AXDND1: variants seen among roughly 807,000 people sequenced by gnomAD.
AXDND1 encodes axonemal dynein light chain domain containing 1.
A neutral mutation model predicts 137.5 loss-of-function variants in AXDND1; 110 were observed. That is an observed-to-expected ratio of 0.80 (90% CI 0.69 to 0.94). AXDND1 has a LOEUF of 0.94. Among genes scored for constraint, AXDND1 ranks in the 40% least tolerant of loss-of-function variants. The pLI, the probability that AXDND1 is intolerant of heterozygous loss-of-function variation, is 0.00. For missense variants in AXDND1, 1,191 were observed against 1,169.8 expected, an observed-to-expected ratio of 1.02 and a Z score of -0.26; for synonymous variants, 414 against 399.7, an observed-to-expected ratio of 1.04 and a Z score of -0.43.
At chr1:179,537,008 TTGTC>T (rs960407784) in intron 25 of AXDND1, among the ~76,000 whole-genome samples, 1 of 152,166 alleles carries the variant, frequency 6.6e-6, no homozygotes, top group Admixed American at 6.5e-5. Flanking sequence ...ATTTGGCTGT[TTGTC>T]TGTTATTGGT....
At chr1:179,529,698 C>T (rs909678941) in intron 23 of AXDND1, among the ~76,000 whole-genome samples, 1 of 152,144 alleles carries the variant, frequency 6.6e-6, no homozygotes, top group Non-Finnish European at 1.5e-5. Flanking sequence ...GACTCTCAAT[C>T]TCTCCTGGGT....
At chr1:179,430,028 C>T (rs981242545) in intron 13 of AXDND1, among the ~76,000 whole-genome samples, 1 of 150,588 alleles carries the variant, frequency 6.6e-6, no homozygotes, top group Non-Finnish European at 1.5e-5. Context: ...TCATTTAACT[C>T]TTAAGACAAT....
intron 11 of AXDND1, 36 bp downstream of exon 11, chr1:179,395,238 GA>G: frequency 6.5e-7 from 1 of 1,528,644 alleles, no homozygotes; most frequent in South Asian, 1.2e-5. Flanking sequence ...TTACATAGGG[GA>G]AAAGGAAGAA....
Position 179,488,632 on chromosome 1 carries a change from C to T in AXDND1, c.2092-2906C>T, listed in dbSNP as rs1177073353. Among the ~76,000 whole-genome samples the T allele has an allele frequency of 3.5e-4, 22 of 63,162 alleles. 2 individuals are homozygous for T. The highest frequency in any genetic ancestry group is 1.3e-3 in the East Asian group (3 of 2,340). 41.4% of individuals were successfully genotyped at this position (63,162 alleles called of 152,430 possible). On this transcript the variant is annotated intron_variant, in intron 18 of 25. Transcript: ENST00000367618. ...TCTTTCTTTCTTTCTCTCTCTCTCT[C>T]TCCTTTCTTTCTTTCTTTCTTTCTT...
intron 25 of AXDND1, chr1:179,544,546 A>C (rs1467756085): frequency 6.6e-6 from 1 of 151,744 alleles, no homozygotes; most frequent in Non-Finnish European, 1.5e-5. Flanking sequence ...GGTGGTGCGC[A>C]CTTGTAGTCC....
intron 15 of AXDND1, among the ~76,000 whole-genome samples, chr1:179,434,633 C>T (rs1048027083): frequency 1.3e-5 from 2 of 152,036 alleles, no homozygotes; most frequent in African/African-American, 4.8e-5. Context: ...GCAGAAAAGG[C>T]CTTTCACAAA....
intron 15 of AXDND1, among the ~76,000 whole-genome samples, chr1:179,443,243 C>T (rs999876172): frequency 1.8e-4 from 28 of 152,142 alleles, no homozygotes; most frequent in Non-Finnish European, 3.5e-4. Context: ...GAGTTGGTCC[C>T]GTCCCACGGG....
intron 25 of AXDND1, 163 bp from the exon 26 acceptor site, chr1:179,554,349 T>G: frequency 8.8e-7 from 1 of 1,139,550 alleles, no homozygotes; most frequent in Non-Finnish European, 1.3e-6. Flanking sequence ...TTGTTTCTCT[T>G]TTTTATAAAT....
rs1213810862 is a variant in AXDND1 at position 179,378,660 on chromosome 1, T to C, written c.398T>C (p.Val133Ala). The C allele has an allele frequency of 6.3e-7, 1 of 1,590,840 alleles. No individual in the cohort carries two copies. The highest frequency in any genetic ancestry group is 8.6e-7 in the Non-Finnish European group (1 of 1,167,082). The change falls in exon 5 of 26, where the codon GTA becomes GCA. Residue 133 changes from valine to alanine, a missense_variant. By Grantham distance (64) the Val-to-Ala change is moderately conservative (BLOSUM62 0). Coordinates refer to ENST00000367618, the MANE Select transcript of AXDND1 (RefSeq NM_144696.6). Reference sequence around the variant, plus strand: ...AGGGATATTTCTTTTCTGTACGATGTAACATATGCCAAAGGACAGACTAGG... The same window carrying C: ...AGGGATATTTCTTTTCTGTACGATGCAACATATGCCAAAGGACAGACTAGG... Reference protein sequence around the residue: ...AGRDISFLYDVTYAKGQTREK... With the variant: ...AGRDISFLYDATYAKGQTREK...
At chr1:179,499,761 T>C (rs1250530134) in intron 20 of AXDND1, among the ~76,000 whole-genome samples, 4 of 152,142 alleles carry the variant, frequency 2.6e-5, no homozygotes, top group African/African-American at 9.7e-5. Context: ...ATTTCAGGAA[T>C]GAGTAACTCA....
chr1:179,515,334 T>C (rs1669435535), intron 21 of AXDND1, among the ~76,000 whole-genome samples: 1 of 152,150 alleles, frequency 6.6e-6, no homozygotes, highest in African/African-American at 2.4e-5. Context: ...TATATGATGC[T>C]TAGTTTCGCT....
intron 21 of AXDND1, among the ~76,000 whole-genome samples, chr1:179,520,661 G>C (rs12033139): frequency 1.3e-5 from 2 of 151,586 alleles, no homozygotes; most frequent in African/African-American, 4.8e-5. Context: ...TATTAACTTA[G>C]AGTAGACATG....
At chr1:179,439,422 A>G (rs1658662556) in intron 15 of AXDND1, among the ~76,000 whole-genome samples, 1 of 152,176 alleles carries the variant, frequency 6.6e-6, no homozygotes, top group Non-Finnish European at 1.5e-5. Flanking sequence ...AATTAATGAC[A>G]TTATTCTGAG....
At chr1:179,374,365 A>C (rs547464861) in intron 4 of AXDND1, among the ~76,000 whole-genome samples, 10 of 152,216 alleles carry the variant, frequency 6.6e-5, no homozygotes, top group Admixed American at 5.9e-4. Flanking sequence ...GAACGCTTTT[A>C]CACTGTTGGT....
intron 15 of AXDND1, among the ~76,000 whole-genome samples, chr1:179,435,246 T>C (rs1232521765): frequency 1.3e-5 from 2 of 152,162 alleles, no homozygotes; most frequent in African/African-American, 4.8e-5. Context: ...AAAATCAATA[T>C]TGCGAAAATG....
At chr1:179,551,575 G>T in intron 25 of AXDND1, 1 of 1,096,462 alleles carries the variant, frequency 9.1e-7, no homozygotes, top group Non-Finnish European at 1.4e-6. Context: ...GTTAAGCATA[G>T]AACATGTTTA....
chr1:179,396,592 G>C (rs551372605), intron 11 of AXDND1, among the ~76,000 whole-genome samples: 1 of 151,654 alleles, frequency 6.6e-6, no homozygotes, highest in Non-Finnish European at 1.5e-5. Context: ...AGGTTGCAGT[G>C]AGCCGAGACT....
At chr1:179,413,172 CT>C (rs1654156586) in intron 12 of AXDND1, among the ~76,000 whole-genome samples, 1 of 145,858 alleles carries the variant, frequency 6.9e-6, no homozygotes, top group African/African-American at 2.5e-5. Flanking sequence ...TTTACATACA[CT>C]CGTGATACCC....
chr1:179,449,351 T>C (rs1466922012), intron 16 of AXDND1: 1 of 296,680 alleles, frequency 3.4e-6, no homozygotes, highest in Non-Finnish European at 6.7e-6. Context: ...TCTGGGCTTA[T>C]TTTGTAGTCT....
Sources: gnomAD v4.1 joint callset for allele counts (sites outside exome capture counted in the v4.1 genomes callset) on GRCh38, gnomAD v4.1.1 for gene constraint, MANE v1.5 for transcripts, NCBI Gene and HGNC (gene_info 2026-07-23, HGNC 2026-07-21) for gene names.